STON1: variants seen among roughly 807,000 people sequenced by gnomAD.
The protein encoded by STON1 is stonin-1.
Under a neutral mutation model 60.9 loss-of-function variants are expected in STON1, and 79 were observed. The observed-to-expected ratio is 1.30, with a 90% CI of 1.08 to 1.56. STON1 has a LOEUF of 1.56. Ranked by LOEUF, STON1 falls within the 40% of genes most tolerant of loss-of-function variation. The pLI is 0.00. For missense variants in STON1, 1,166 were observed against 858.9 expected (o/e 1.36, Z -4.47); for synonymous variants, 363 against 306.9 (o/e 1.18, Z -1.91).
At position 48,581,017 on chromosome 2, in the gene STON1, A is replaced by G; in HGVS notation, c.384A>G (p.Pro128=). 6.4e-7 allele frequency: 1 copy of G among 1,569,876 alleles called. No homozygotes were observed. The highest frequency in any genetic ancestry group is 1.2e-5 in the South Asian group (1 of 81,746). Residue 128 remains proline, a synonymous_variant, in exon 2 of 4, where the codon CCA becomes CCG. Coordinates refer to ENST00000404752, the MANE Select transcript of STON1 (RefSeq NM_006873.4). Reference sequence around the variant, plus strand: ...AATCTTCCTTACTGCCTACCAGACCAACATGTTTATCCCATGCCTTGTTAC... The same window carrying G: ...AATCTTCCTTACTGCCTACCAGACCGACATGTTTATCCCATGCCTTGTTAC... ...GGESSLLPTR[P]TCLSHALLPS...
At chr2:48,572,907 C>T (rs540488315) in intron 1 of STON1, among the ~76,000 whole-genome samples, 56 of 152,338 alleles carry the variant, frequency 3.7e-4, no homozygotes, top group African/African-American at 1.3e-3. Flanking sequence ...AGCCTAAGGG[C>T]AGTGACAGTG....
chr2:48,596,412 A>G lies in STON1; in HGVS notation c.*1110A>G, dbSNP rs1017502906. ...AAAAGTCAATAGCATTAGCAGTTAT[A>G]ATTCTGTTTATAATTTCCTTTCAGC... is the stretch of plus-strand genomic sequence containing the variant. On this transcript the variant is annotated 3_prime_UTR_variant, in exon 4 of 4. Transcript: ENST00000404752. 1 of 152,220 alleles carries G rather than the reference A, an allele frequency of 6.6e-6. No homozygotes were observed. Among genetic ancestry groups the G allele is most frequent in the Non-Finnish European group, 1.5e-5 (1 of 68,028 alleles). The allele number at this position is 152,220 out of a possible 1,614,324, so 9.4% of individuals were successfully genotyped here.
intron 1 of STON1, among the ~76,000 whole-genome samples, chr2:48,570,605 C>G (rs953560403): frequency 1.3e-5 from 2 of 152,102 alleles, no homozygotes; most frequent in Non-Finnish European, 2.9e-5. Flanking sequence ...CCATTGTATA[C>G]TAGATCCTTG....
In STON1 at chr2:48,581,984, A is replaced by T. The variant is rs1395222968; in HGVS notation, c.1351A>T (p.Asn451Tyr). The T allele has an allele frequency of 1.2e-6, 2 of 1,614,198 alleles. No homozygotes were observed. Among genetic ancestry groups the T allele is most frequent in the South Asian group, 2.2e-5 (2 of 91,086 alleles). Residue 451 changes from asparagine (N) to tyrosine (Y), a missense_variant, in exon 2 of 4, where the codon AAC becomes TAC. By Grantham distance (143) the Asn-to-Tyr change is moderately radical. Transcript: ENST00000404752. ...QIYCLCFVNG[N>Y]LECFLTLNDL... ...TTATTGCCTCTGCTTTGTGAATGGG[A>T]ACCTGGAATGCTTTTTAACCTTGAA...
chr2:48,594,918 G>C (rs927901156), intron 3 of STON1, among the ~76,000 whole-genome samples: 2 of 152,184 alleles, frequency 1.3e-5, no homozygotes, highest in African/African-American at 4.8e-5. Flanking sequence ...CATATGTCTA[G>C]TCAGATCTGT....
intron 1 of STON1, among the ~76,000 whole-genome samples, chr2:48,565,156 C>T (rs1672885610): frequency 6.8e-6 from 1 of 146,356 alleles, no homozygotes; most frequent in African/African-American, 2.5e-5. Flanking sequence ...AGGTTCATGC[C>T]ATTCTCCTGC....
intron 1 of STON1, among the ~76,000 whole-genome samples, chr2:48,540,847 T>G (rs1322120086): frequency 6.6e-6 from 1 of 152,138 alleles, no homozygotes; most frequent in Non-Finnish European, 1.5e-5. Context: ...GACACCCAGC[T>G]GGTGTCTGTT....
chr2:48,595,178 T>C (rs760343064), intron 3 of STON1, 50 bp from the exon 4 acceptor site: 1 of 1,400,840 alleles, frequency 7.1e-7, no homozygotes, highest in Non-Finnish European at 1.0e-6. Flanking sequence ...GAGGTGTGAG[T>C]GCTGTGTTGC....
intron 1 of STON1, among the ~76,000 whole-genome samples, chr2:48,566,902 T>G (rs1182148293): frequency 6.6e-6 from 1 of 152,046 alleles, no homozygotes; most frequent in East Asian, 1.9e-4. Context: ...CAGGCTGAAG[T>G]TGAAAGGCCT....
At chr2:48,575,742 A>T (rs1326132483) in intron 1 of STON1, among the ~76,000 whole-genome samples, 5 of 131,952 alleles carry the variant, frequency 3.8e-5, no homozygotes, top group Admixed American at 1.6e-4. Flanking sequence ...TGGTAGTTCT[A>T]TTTTTAGTTT....
At chr2:48,548,581 C>T (rs1671958493) in intron 1 of STON1, among the ~76,000 whole-genome samples, 1 of 151,948 alleles carries the variant, frequency 6.6e-6, no homozygotes, top group African/African-American at 2.4e-5. Context: ...TCACTGAAGC[C>T]TCCACCTCCC....
intron 1 of STON1, among the ~76,000 whole-genome samples, chr2:48,578,440 C>A (rs1353572997): frequency 6.6e-6 from 1 of 152,038 alleles, no homozygotes; most frequent in East Asian, 1.9e-4. Context: ...TTTTTTAACT[C>A]ATCAGCTATC....
At chr2:48,569,465 TAGAG>T (rs1294124566) in intron 1 of STON1, among the ~76,000 whole-genome samples, 1 of 152,130 alleles carries the variant, frequency 6.6e-6, no homozygotes, top group African/African-American at 2.4e-5. Flanking sequence ...GGGAGGGAAG[TAGAG>T]AGACTTAATT....
At position 48,581,713 on chromosome 2, in the gene STON1, C is replaced by A; in HGVS notation, c.1080C>A (p.Tyr360Ter). The change falls in exon 2 of 4, where the codon TAC becomes TAA. Residue 360 changes from tyrosine (Y) to a stop codon, truncating the protein, a stop_gained. Coordinates refer to ENST00000404752, the MANE Select transcript of STON1 (RefSeq NM_006873.4). LOFTEE classifies it high-confidence loss of function. ...TGTCTTACACAGAAAAAAGGAAATA[C>A]CATTCTAAGACAGAAGTAGTTCATG... ...EHVSYTEKRK[Y>*]HSKTEVVHEP... is the part of the protein sequence containing the mutation. 6.2e-7 allele frequency: 1 copy of A among 1,610,968 alleles called. No homozygotes were observed. The highest frequency in any genetic ancestry group is 1.3e-5 in the African/African-American group (1 of 74,740).
intron 1 of STON1, among the ~76,000 whole-genome samples, chr2:48,569,536 T>G (rs1387568674): frequency 6.6e-6 from 1 of 152,156 alleles, no homozygotes; most frequent in Non-Finnish European, 1.5e-5. Context: ...ATTAAGCTTT[T>G]TGTATTTGTG....
At chr2:48,578,612 A>G (rs1450797421) in intron 1 of STON1, among the ~76,000 whole-genome samples, 5 of 42,214 alleles carry the variant, frequency 1.2e-4, no homozygotes, top group Non-Finnish European at 1.8e-4. Flanking sequence ...TTTTTGATAT[A>G]GAGTTTCTCT....
chr2:48,540,078 C>CT (rs1671595449), intron 1 of STON1, among the ~76,000 whole-genome samples: 1 of 152,144 alleles, frequency 6.6e-6, no homozygotes, highest in African/African-American at 2.4e-5. Context: ...CTATGAGCCC[C>CT]TTGGCCTCAG....
At chr2:48,561,135 G>T (rs1476869862) in intron 1 of STON1, among the ~76,000 whole-genome samples, 1 of 152,100 alleles carries the variant, frequency 6.6e-6, no homozygotes, top group Non-Finnish European at 1.5e-5. Flanking sequence ...CTAGCCCTTG[G>T]TTTTCTCTCT....
intron 1 of STON1, among the ~76,000 whole-genome samples, chr2:48,551,205 A>G (rs1672089422): frequency 6.6e-6 from 1 of 152,160 alleles, no homozygotes; most frequent in African/African-American, 2.4e-5. Flanking sequence ...TTATGTGGCC[A>G]AGTGGAACAT....
Sources: gnomAD v4.1 joint callset for allele counts (sites outside exome capture counted in the v4.1 genomes callset) on GRCh38, gnomAD v4.1.1 for gene constraint, MANE v1.5 for transcripts, NCBI Gene and HGNC (gene_info 2026-07-23, HGNC 2026-07-21) for gene names.